The following RADIL variants were observed in gnomAD, a reference collection of about 807,000 sequenced individuals.
RADIL encodes the protein Rap associating with DIL domain, also known as ras-associating and dilute domain-containing protein.
Under a neutral mutation model 97.6 loss-of-function variants are expected in RADIL, and 99 were observed. That is an observed-to-expected ratio of 1.01 (90% confidence interval 0.86 to 1.20). The LOEUF is 1.20. Among genes scored for constraint, RADIL ranks in the 50% most tolerant of loss-of-function variants. The pLI, the probability that RADIL is intolerant of heterozygous loss-of-function variation, is 0.00. For missense variants in RADIL, 1,765 were observed against 1,498.9 expected, an observed-to-expected ratio of 1.18 and a Z score of -2.93; for synonymous variants, 803 against 691.8, an observed-to-expected ratio of 1.16 and a Z score of -2.52.
chr7:4,802,222 C>T (rs1024644974), intron 11 of RADIL, among the ~76,000 whole-genome samples: 15 of 152,226 alleles, frequency 9.9e-5, no homozygotes, highest in Non-Finnish European at 2.1e-4. Context: ...CCAGAGCTCC[C>T]GCCTGCTGCC....
rs563331814 is a variant in RADIL at position 4,847,975 on chromosome 7, C to T, written c.536-11370G>A. ...CTTAGGGAGGCCGCAGCAGGCGGAT[C>T]GCTTGAGCTCAGGAGTTCGAGACCA... On this transcript the variant is annotated intron_variant, in intron 2 of 14. Transcript: ENST00000399583. Among the ~76,000 whole-genome samples the T allele has an allele frequency of 6.6e-5, 10 of 152,196 alleles. No homozygotes were observed. The South Asian group carries it at 8.3e-4, about 13-fold the overall frequency.
rs746823396 is a variant in RADIL at position 4,819,793 on chromosome 7, G to A, written c.1616-2442C>T. ...GGGGCTATTTCCCACTCTGTTCCCT[G>A]GTGCCTGCCTGGCCCTCGACACCCG... On this transcript the variant is annotated intron_variant, in intron 6 of 14. Coordinates refer to ENST00000399583, the MANE Select transcript of RADIL (RefSeq NM_018059.5). This position sits in a 1 kb window ranked among gnomAD's most constrained non-coding sequence, Gnocchi z 5.8. Among the ~76,000 whole-genome samples, 3 of 152,180 alleles carry A rather than the reference G, an allele frequency of 2.0e-5. No homozygotes were observed. The highest frequency in any genetic ancestry group is 4.4e-5 in the Non-Finnish European group (3 of 68,022).
intron 2 of RADIL, among the ~76,000 whole-genome samples, chr7:4,847,102 C>G (rs1783592333): frequency 6.6e-6 from 1 of 151,986 alleles, no homozygotes; most frequent in Non-Finnish European, 1.5e-5. Flanking sequence ...GGGTGGATCA[C>G]TTGAGGTCAG....
intron 2 of RADIL, among the ~76,000 whole-genome samples, chr7:4,876,806 C>T (rs1784387264): frequency 6.6e-6 from 1 of 152,208 alleles, no homozygotes; most frequent in Admixed American, 6.5e-5. Flanking sequence ...CCTCCCACCA[C>T]CCAGGCACCC....
In RADIL at chr7:4,805,376, T is replaced by A. The variant is rs931593979; in HGVS notation, c.2290+190A>T. ...CTCCTTGACTCCCCCGCCGAGGAGG[T>A]CCCCGGATCCCCAGGTTGGGGATGG... On this transcript the variant is annotated intron_variant, in intron 10 of 14. Coordinates refer to ENST00000399583, the MANE Select transcript of RADIL (RefSeq NM_018059.5). The A allele has an allele frequency of 5.0e-6, 3 of 597,318 alleles. No individual in the cohort carries two copies. The African/African-American group carries it at 5.8e-5, about 12-fold the overall frequency. The allele number at this position is 597,318 out of a possible 1,614,324, so 37.0% of individuals were successfully genotyped here.
At position 4,815,704 on chromosome 7, in the gene RADIL, G is replaced by T. The variant is rs555654136; in HGVS notation, c.1967-254C>A. Among the ~76,000 whole-genome samples, 6 of 152,272 alleles carry T rather than the reference G, an allele frequency of 3.9e-5. No homozygotes were observed. The highest frequency in any genetic ancestry group is 1.2e-4 in the African/African-American group (5 of 41,556). On this transcript the variant is annotated intron_variant, in intron 8 of 14. Transcript: ENST00000399583. The surrounding 1 kb of genome is among the most constrained non-coding windows in gnomAD (Gnocchi z 8.0). ...TGACTGCCGCTGACTCCACAGTGCA[G>T]CCCCTAGCTGGGACCCTCTCCCACT...
rs1346980203 is a variant in RADIL at position 4,821,884 on chromosome 7, G to A, written c.1615+510C>T. On this transcript the variant is annotated intron_variant, in intron 6 of 14. Transcript: ENST00000399583. This position sits in a 1 kb window ranked among gnomAD's most constrained non-coding sequence, Gnocchi z 5.2. ...AAAAGAAAAAGAAATCCCGAAATGT[G>A]TATTTCCCACATCTTAATCTGTGAA... Among the ~76,000 whole-genome samples the A allele has an allele frequency of 6.6e-6, 1 of 152,038 alleles. No homozygotes were observed. The highest frequency in any genetic ancestry group is 2.4e-5 in the African/African-American group (1 of 41,402).
chr7:4,823,330 C>A (rs28540440), intron 5 of RADIL, among the ~76,000 whole-genome samples: 1 of 143,036 alleles, frequency 7.0e-6, no homozygotes, highest in Non-Finnish European at 1.5e-5. Context: ...TTATTAAAAA[C>A]CTTTTTTTTT....
In RADIL at chr7:4,803,631, TGGC is replaced by T; in HGVS notation, c.2411_2413del (p.Arg804del). 6.5e-7 allele frequency: 1 copy of T among 1,549,922 alleles called. No homozygotes were observed. The highest frequency in any genetic ancestry group is 8.7e-7 in the Non-Finnish European group (1 of 1,147,032). On this transcript the variant is annotated inframe_deletion, in exon 11 of 15. Coordinates refer to ENST00000399583, the MANE Select transcript of RADIL (RefSeq NM_018059.5). Reference sequence around the variant, plus strand: ...TCTGCTCCGCAGACCCCACAGAAAGTGGCGGACGTAGAGCAGGTGCTGGTAGAT... The same window carrying T: ...TCTGCTCCGCAGACCCCACAGAAAGTGGACGTAGAGCAGGTGCTGGTAGAT...
chr7:4,829,584 T>G (rs1192024626), intron 5 of RADIL, among the ~76,000 whole-genome samples: 3 of 152,146 alleles, frequency 2.0e-5, no homozygotes, highest in Admixed American at 6.5e-5. Context: ...GGTTCGGCTG[T>G]GTCTCAACCC....
At chr7:4,803,243 C>T (rs1782174058) in intron 11 of RADIL, among the ~76,000 whole-genome samples, 2 of 106,122 alleles carry the variant, frequency 1.9e-5, no homozygotes, top group Non-Finnish European at 3.7e-5. Flanking sequence ...CCCCGGGCAC[C>T]TCAGGGCACG....
chr7:4,876,814 C>A (rs751438679), intron 2 of RADIL, among the ~76,000 whole-genome samples: 2 of 152,196 alleles, frequency 1.3e-5, no homozygotes, highest in East Asian at 3.9e-4. Context: ...CACCCAGGCA[C>A]CCACAGACCC....
At chr7:4,860,471 G>A (rs1221733695) in intron 2 of RADIL, 1 of 1,614,088 alleles carries the variant, frequency 6.2e-7, no homozygotes, top group Non-Finnish European at 8.5e-7. Context: ...AGAATTATCT[G>A]GCTTTTTTAG....
Position 4,805,571 on chromosome 7 carries a change from C to A in RADIL, c.2285G>T (p.Arg762Met), listed in dbSNP as rs1487361902. The A allele has an allele frequency of 9.4e-6, 15 of 1,599,356 alleles. No individual in the cohort carries two copies. The highest frequency in any genetic ancestry group is 1.2e-5 in the Non-Finnish European group (14 of 1,171,580). Residue 762 changes from arginine to methionine, a missense_variant, in exon 10 of 15, where the codon AGG becomes ATG. Coordinates refer to ENST00000399583, the MANE Select transcript of RADIL (RefSeq NM_018059.5). Reference protein sequence around the residue: ...PGAQDSPEAFRSEDVLESYEN... With the variant: ...PGAQDSPEAFMSEDVLESYEN... Reference sequence around the variant, plus strand: ...TGCCCTGGGGCAGGGCTTACCTGACCTGAAGGCCTCGGGGCTGTCCTGGGC... The same window carrying A: ...TGCCCTGGGGCAGGGCTTACCTGACATGAAGGCCTCGGGGCTGTCCTGGGC...
rs1359709488 is a variant in RADIL at position 4,872,596 on chromosome 7, G to A, written c.535+5009C>T. Among the ~76,000 whole-genome samples the A allele has an allele frequency of 6.6e-6, 1 of 152,162 alleles. No individual in the cohort carries two copies. Among genetic ancestry groups the A allele is most frequent in the Non-Finnish European group, 1.5e-5 (1 of 68,030 alleles). On this transcript the variant is annotated intron_variant, in intron 2 of 14. Coordinates refer to ENST00000399583, the MANE Select transcript of RADIL (RefSeq NM_018059.5). The surrounding 1 kb of genome is among the most constrained non-coding windows in gnomAD (Gnocchi z 5.8). ...GCCCTAAATACAGCCTTCTAGGAAA[G>A]GGGAGTGAGAGCCACTTCCAGCCCG...
intron 2 of RADIL, chr7:4,860,177 G>C (rs1318771597): frequency 6.2e-7 from 1 of 1,614,028 alleles, no homozygotes; most frequent in Non-Finnish European, 8.5e-7. Flanking sequence ...CAATGGGCCT[G>C]TCTTCATAGT....
chr7:4,832,907 G>A (rs113198205), intron 4 of RADIL, among the ~76,000 whole-genome samples: 4 of 152,290 alleles, frequency 2.6e-5, no homozygotes, highest in Admixed American at 6.5e-5. Flanking sequence ...GGAAACAAAC[G>A]CGCAAATGAT....
chr7:4,818,294 GCTGCCCCTCTGC>G lies in RADIL; in HGVS notation c.1616-955_1616-944del, dbSNP rs1782733139. On this transcript the variant is annotated intron_variant, in intron 6 of 14. Coordinates refer to ENST00000399583, the MANE Select transcript of RADIL (RefSeq NM_018059.5). The surrounding 1 kb of genome is among the most constrained non-coding windows in gnomAD (Gnocchi z 7.1). Reference sequence around the variant, plus strand: ...GGCCTCCCAGGAGCACAGGCCCCCAGCTGCCCCTCTGCCGGGCAGACTGCACCGGAGGCCGGC... The same window carrying G: ...GGCCTCCCAGGAGCACAGGCCCCCAGCGGGCAGACTGCACCGGAGGCCGGC... Among the ~76,000 whole-genome samples, 2 of 152,192 alleles carry G rather than the reference GCTGCCCCTCTGC, an allele frequency of 1.3e-5. No homozygotes were observed. The highest frequency in any genetic ancestry group is 6.5e-5 in the Admixed American group (1 of 15,292).
At chr7:4,843,714 G>C in intron 2 of RADIL, among the ~76,000 whole-genome samples, 1 of 152,012 alleles carries the variant, frequency 6.6e-6, no homozygotes, top group East Asian at 1.9e-4. Flanking sequence ...GAGTTCAAGA[G>C]CAGCCTGGAC....
Sources: allele counts gnomAD v4.1 joint callset (sites outside exome capture counted in the v4.1 genomes callset), GRCh38; gene constraint gnomAD v4.1.1; non-coding constraint Gnocchi (gnomAD v3.1); transcripts MANE v1.5; gene names NCBI Gene and HGNC (gene_info 2026-07-23, HGNC 2026-07-21).